The following WNK2 variants were observed in gnomAD, a reference collection of about 807,000 sequenced individuals.
WNK2 encodes the protein WNK lysine deficient protein kinase 2.
Under a neutral mutation model 192.1 loss-of-function variants are expected in WNK2, and 67 were observed. That is an observed-to-expected ratio of 0.35 (90% CI 0.29 to 0.43). The LOEUF (loss-of-function observed/expected upper bound fraction) is 0.43. WNK2 is among the 20% of genes least tolerant of loss of function. The pLI, the probability that WNK2 is intolerant of heterozygous loss-of-function variation, is 1.00. For missense variants in WNK2, 2,698 were observed against 3,089.7 expected (o/e 0.87, Z 3.01); for synonymous variants, 1,439 against 1,393.9 (o/e 1.03, Z -0.72).
At chr9:93,281,167 T>A (rs868162105) in intron 19 of WNK2, among the ~76,000 whole-genome samples, 1 of 152,190 alleles carries the variant, frequency 6.6e-6, no homozygotes, top group Admixed American at 6.5e-5. Context: ...ATTTTACTTA[T>A]ATGCCTGTGT....
intron 18 of WNK2, 26 bp downstream of exon 18, chr9:93,268,091 T>C: frequency 1.3e-6 from 2 of 1,598,446 alleles, no homozygotes; most frequent in Non-Finnish European, 8.5e-7. Flanking sequence ...CCCTCCCTGC[T>C]TTTAAGCAGG....
intron 2 of WNK2, among the ~76,000 whole-genome samples, chr9:93,203,566 T>A (rs1832861816): frequency 6.6e-6 from 1 of 152,082 alleles, no homozygotes; most frequent in Admixed American, 6.5e-5. Flanking sequence ...TCCCCTGCAG[T>A]CTGTGGACGT....
intron 10 of WNK2, 100 bp from the exon 11 acceptor site, chr9:93,256,848 A>G: frequency 1.8e-6 from 2 of 1,111,026 alleles, no homozygotes; most frequent in African/African-American, 1.6e-5. Flanking sequence ...GTGCGTGTGC[A>G]TGTGAGGGTG....
chr9:93,260,926 G>C (rs1163176980), intron 12 of WNK2, among the ~76,000 whole-genome samples: 1 of 152,236 alleles, frequency 6.6e-6, no homozygotes, highest in East Asian at 1.9e-4. Context: ...TCTGGGCACA[G>C]TTAGTGGCTA....
intron 19 of WNK2, among the ~76,000 whole-genome samples, chr9:93,272,136 G>A (rs1242899922): frequency 6.6e-6 from 1 of 152,206 alleles, no homozygotes; most frequent in East Asian, 1.9e-4. Flanking sequence ...AAGATCTTCA[G>A]ACAGAAAGGA....
Position 93,252,986 on chromosome 9 carries a change from C to T in WNK2, c.1938C>T (p.Ser646=), listed in dbSNP as rs1400743188. The T allele has an allele frequency of 6.4e-7, 1 of 1,566,780 alleles. No individual in the cohort carries two copies. Among genetic ancestry groups the T allele is most frequent in the Admixed American group, 1.9e-5 (1 of 53,234 alleles). Residue 646 remains serine (S), a synonymous_variant, in exon 9 of 30, where the codon TCC becomes TCT. Coordinates refer to ENST00000427277, the MANE Select transcript of WNK2 (RefSeq NM_006648.4). ...GCTCCCTTGCCGACGCAGCGCCGTC[C>T]CCGGCCCAGTGTGTGTGCAGCCCCC... ...MLGSLADAAP[S]PAQCVCSPPV...
Position 93,306,188 on chromosome 9 carries a change from G to A in WNK2, c.6215-589G>A, listed in dbSNP as rs1201590620. On this transcript the variant is annotated intron_variant, in intron 26 of 29. Transcript: ENST00000427277. The stretch of plus-strand genomic sequence containing the variant: ...TGAGGCGGTAGTGTCCCCAGACATT[G>A]AGGTCAGCCCCTAGATAGAAACCCT... Among the ~76,000 whole-genome samples, 3 of 152,200 alleles carry A rather than the reference G, an allele frequency of 2.0e-5. No individual in the cohort carries two copies. In the East Asian group the frequency reaches 5.8e-4, roughly 29 times the overall value.
intron 12 of WNK2, among the ~76,000 whole-genome samples, chr9:93,261,016 G>A (rs1464551555): frequency 6.6e-6 from 1 of 152,178 alleles, no homozygotes; most frequent in African/African-American, 2.4e-5. Context: ...GAAGGGTCCA[G>A]AAGTCTGTTG....
intron 2 of WNK2, among the ~76,000 whole-genome samples, chr9:93,208,733 C>CA (rs1833896677): frequency 4.6e-4 from 3 of 6,464 alleles, no homozygotes; most frequent in African/African-American, 1.3e-3. Context: ...CGTGCGTGTT[C>CA]TGTGTGTGTT....
chr9:93,275,962 CTAAA>C (rs1229013391), intron 19 of WNK2, among the ~76,000 whole-genome samples: 2 of 152,270 alleles, frequency 1.3e-5, no homozygotes, highest in African/African-American at 4.8e-5. Flanking sequence ...GGTTACCTAA[CTAAA>C]TAGAGAAGCA....
At chr9:93,256,860 G>A in intron 10 of WNK2, 88 bp from the exon 11 acceptor site, 2 of 1,253,690 alleles carry the variant, frequency 1.6e-6, no homozygotes, top group Non-Finnish European at 2.2e-6. Context: ...GTGAGGGTGA[G>A]GGTTGATATC....
intron 8 of WNK2, among the ~76,000 whole-genome samples, chr9:93,250,083 T>C (rs931539687): frequency 3.3e-5 from 5 of 152,054 alleles, no homozygotes; most frequent in African/African-American, 1.2e-4. Flanking sequence ...CCAGCTAATT[T>C]TTGTATTTTA....
intron 16 of WNK2, among the ~76,000 whole-genome samples, chr9:93,266,080 G>T (rs1845118111): frequency 6.6e-6 from 1 of 152,168 alleles, no homozygotes; most frequent in African/African-American, 2.4e-5. Context: ...CATAAAAACA[G>T]CCCAGCAGCC....
chr9:93,201,050 G>T (rs1003872502), intron 2 of WNK2, among the ~76,000 whole-genome samples: 4 of 152,208 alleles, frequency 2.6e-5, no homozygotes, highest in Non-Finnish European at 5.9e-5. Context: ...GGGACAGTTA[G>T]TATGTGTGCA....
At chr9:93,249,754 G>A (rs1318322772) in intron 8 of WNK2, among the ~76,000 whole-genome samples, 1 of 152,052 alleles carries the variant, frequency 6.6e-6, no homozygotes, top group East Asian at 1.9e-4. Flanking sequence ...GATTACAGGT[G>A]TGAGCCACCG....
At chr9:93,216,934 A>G (rs1293521996) in intron 2 of WNK2, among the ~76,000 whole-genome samples, 1 of 152,178 alleles carries the variant, frequency 6.6e-6, no homozygotes, top group Non-Finnish European at 1.5e-5. Flanking sequence ...GATGTGAATC[A>G]ATATAAAATT....
chr9:93,286,981 A>G (rs1311674092), intron 19 of WNK2, among the ~76,000 whole-genome samples: 3 of 152,190 alleles, frequency 2.0e-5, no homozygotes, highest in African/African-American at 7.2e-5. Flanking sequence ...CAAAGCAGAG[A>G]GCAGAATGGA....
chr9:93,268,851 G>T, intron 19 of WNK2, 105 bp downstream of exon 19: 2 of 1,575,314 alleles, frequency 1.3e-6, no homozygotes, highest in Non-Finnish European at 1.7e-6. Context: ...TCCATGCAGG[G>T]GGCTCACCCT....
chr9:93,318,814 C>T, intron 29 of WNK2: 1 of 1,407,252 alleles, frequency 7.1e-7, no homozygotes, highest in Non-Finnish European at 9.2e-7. Flanking sequence ...CCAGTGGGCA[C>T]AACACAGCCC....
Sources: allele counts gnomAD v4.1 joint callset (sites outside exome capture counted in the v4.1 genomes callset), GRCh38; gene constraint gnomAD v4.1.1; transcripts MANE v1.5; gene names NCBI Gene and HGNC (gene_info 2026-07-23, HGNC 2026-07-21).